ARK2C: variants seen among roughly 807,000 people sequenced by gnomAD.
ARK2C encodes the protein E3 ubiquitin-protein ligase ARK2C.
the ARK2C span, chr18:46,463,015 T>G: frequency 6.6e-6 from 1 of 152,286 alleles, no homozygotes; most frequent in African/African-American, 2.4e-5. Flanking sequence ...TTATGAATAT[T>G]AAAGCAATAG....
chr18:46,433,609 C>A, the ARK2C span: 1 of 1,053,348 alleles, frequency 9.5e-7, no homozygotes, highest in Non-Finnish European at 1.3e-6. Flanking sequence ...CCGGGTGTGG[C>A]GGAGACGGGG....
At chr18:46,373,311 G>A in the ARK2C span, among the ~76,000 whole-genome samples, 2 of 152,268 alleles carry the variant, frequency 1.3e-5, no homozygotes, top group Admixed American at 1.3e-4. Context: ...AGCTTGCCCA[G>A]TGCTTTCTAA....
the ARK2C span, among the ~76,000 whole-genome samples, chr18:46,348,338 G>T: frequency 1.3e-5 from 2 of 152,164 alleles, no homozygotes; most frequent in Non-Finnish European, 2.9e-5. Flanking sequence ...CTAAGGCTTT[G>T]TTGGCCCTCC....
At chr18:46,383,882 C>G in the ARK2C span, among the ~76,000 whole-genome samples, 4 of 152,206 alleles carry the variant, frequency 2.6e-5, no homozygotes, top group African/African-American at 7.2e-5. Context: ...TAACGACTAA[C>G]TTTACAGAGT....
At chr18:46,335,045 CGT>C in the ARK2C span, 1,597 of 145,764 alleles carry the variant, frequency 0.011, 19 homozygotes, top group African/African-American at 0.036. Flanking sequence ...TGCTTGGGCG[CGT>C]GTGTGTGTGT....
chr18:46,355,306 A>G, the ARK2C span, among the ~76,000 whole-genome samples: 1 of 152,150 alleles, frequency 6.6e-6, no homozygotes, highest in African/African-American at 2.4e-5. Context: ...CTGAGGATGA[A>G]CATATCTGAG....
At chr18:46,370,690 T>A in the ARK2C span, among the ~76,000 whole-genome samples, 1 of 152,150 alleles carries the variant, frequency 6.6e-6, no homozygotes, top group African/African-American at 2.4e-5. Context: ...AGGAATAGAA[T>A]AAGATACCAT....
the ARK2C span, among the ~76,000 whole-genome samples, chr18:46,415,836 C>T: frequency 6.6e-6 from 1 of 152,182 alleles, no homozygotes; most frequent in East Asian, 1.9e-4. Flanking sequence ...AAGTGATATG[C>T]TGATATGACT....
chr18:46,439,385 G>C, the ARK2C span, among the ~76,000 whole-genome samples: 1 of 152,162 alleles, frequency 6.6e-6, no homozygotes, highest in African/African-American at 2.4e-5. Flanking sequence ...AGATGAGGAG[G>C]GGAAGTCTCA....
At chr18:46,361,385 T>C in the ARK2C span, among the ~76,000 whole-genome samples, 1 of 152,230 alleles carries the variant, frequency 6.6e-6, no homozygotes, top group Non-Finnish European at 1.5e-5. Context: ...TGTGTATATA[T>C]CTGTGTCGAT....
the ARK2C span, among the ~76,000 whole-genome samples, chr18:46,362,813 C>T: frequency 6.6e-6 from 1 of 152,188 alleles, no homozygotes; most frequent in Non-Finnish European, 1.5e-5. Context: ...ATTCTAGAAG[C>T]ACAACATACG....
At chr18:46,403,708 T>C in the ARK2C span, among the ~76,000 whole-genome samples, 25 of 152,008 alleles carry the variant, frequency 1.6e-4, no homozygotes, top group Admixed American at 2.6e-4. Context: ...TGAAACTCCA[T>C]CTCAACTAAA....
At chr18:46,344,843 G>A in the ARK2C span, among the ~76,000 whole-genome samples, 3 of 152,226 alleles carry the variant, frequency 2.0e-5, no homozygotes, top group East Asian at 1.9e-4. Context: ...GAGAGACAGC[G>A]GAGGTAGCTG....
At chr18:46,402,568 G>A in the ARK2C span, among the ~76,000 whole-genome samples, 6 of 152,096 alleles carry the variant, frequency 3.9e-5, no homozygotes, top group African/African-American at 1.2e-4. Context: ...GCTGGAGTGC[G>A]TGACTCACTG....
chr18:46,408,598 G>A, the ARK2C span, among the ~76,000 whole-genome samples: 1 of 152,250 alleles, frequency 6.6e-6, no homozygotes, highest in Non-Finnish European at 1.5e-5. Flanking sequence ...GGGAACTGTG[G>A]GGCATCCTAA....
At chr18:46,344,618 G>T in the ARK2C span, among the ~76,000 whole-genome samples, 3 of 152,204 alleles carry the variant, frequency 2.0e-5, no homozygotes, top group Non-Finnish European at 4.4e-5. Context: ...GGGGACCTCG[G>T]CATCCACAGT....
chr18:46,360,615 C>T, the ARK2C span, among the ~76,000 whole-genome samples: 1 of 152,180 alleles, frequency 6.6e-6, no homozygotes, highest in African/African-American at 2.4e-5. Context: ...CCAGGCAGCC[C>T]CAGGCGAAAG....
chr18:46,415,976 T>C, the ARK2C span, among the ~76,000 whole-genome samples: 2 of 152,150 alleles, frequency 1.3e-5, no homozygotes, highest in Non-Finnish European at 2.9e-5. Context: ...GGACACCCAG[T>C]GCTGCACCAG....
chr18:46,435,779 G>C, the ARK2C span, among the ~76,000 whole-genome samples: 1 of 152,192 alleles, frequency 6.6e-6, no homozygotes, highest in East Asian at 1.9e-4. Flanking sequence ...GCTTTCTGGA[G>C]CAGGTGCATC....
Sources: gnomAD v4.1 joint callset for allele counts (sites outside exome capture counted in the v4.1 genomes callset) on GRCh38, gnomAD v4.1.1 for gene constraint, MANE v1.5 for transcripts, NCBI Gene and HGNC (gene_info 2026-07-23, HGNC 2026-07-21) for gene names.